The following RAD17 variants were observed in gnomAD, a reference collection of about 807,000 sequenced individuals.
RAD17 encodes the protein RAD17 checkpoint clamp loader component, also known as cell cycle checkpoint protein RAD17.
Under a neutral mutation model 81.5 loss-of-function variants are expected in RAD17, and 31 were observed. The ratio of observed to expected loss-of-function variants is 0.38; its 90% CI spans 0.29 to 0.51. RAD17 has a LOEUF of 0.51. Ranked by LOEUF, RAD17 falls within the 20% of genes least tolerant of loss-of-function variation. The pLI is 0.88. For missense variants in RAD17, 681 were observed against 781.2 expected (o/e 0.87, Z 1.53); for synonymous variants, 261 against 266.2 (o/e 0.98, Z 0.19).
At chr5:69,374,203 T>A in intron 5 of RAD17, 116 bp downstream of exon 5, 1 of 944,596 alleles carries the variant, frequency 1.1e-6, no homozygotes, top group Non-Finnish European at 1.6e-6. Context: ...TCTTTCTAAG[T>A]GTTAGAAAAA....
rs571221608 is a variant in RAD17 at position 69,373,685 on chromosome 5, AATTTT to A, written c.10-144_10-140del. The A allele has an allele frequency of 5.6e-4, 211 of 380,006 alleles. 15 individuals carry two copies. Among genetic ancestry groups the A allele is most frequent in the South Asian group, 1.1e-3 (31 of 28,310 alleles). 23.5% of individuals were successfully genotyped at this position (380,006 alleles called of 1,614,324 possible). Reference sequence around the variant, plus strand: ...ACAGAGTGAGACCCGGTCTCAAAAAAATTTTTTTTTTTTTTTTTTTTTTTTTTTTT... The same window carrying A: ...ACAGAGTGAGACCCGGTCTCAAAAAATTTTTTTTTTTTTTTTTTTTTTTTT... On this transcript the variant is annotated intron_variant, in intron 4 of 18. Transcript: ENST00000354868.
In RAD17 at chr5:69,373,833, A is replaced by G; in HGVS notation, c.13A>G (p.Thr5Ala). MNQV[T>A]DWVDPSFDDF... ...ACATGATTTCTTTTTTTTTCAGGTA[A>G]CAGACTGGGTTGACCCATCATTTGA... is the stretch of plus-strand genomic sequence containing the variant. The change falls in exon 5 of 19, where the codon ACA becomes GCA. Residue 5 changes from threonine to alanine, a missense_variant. Coordinates refer to ENST00000354868, the MANE Select transcript of RAD17 (RefSeq NM_133338.3). 1.3e-6 allele frequency: 2 copies of G among 1,597,250 alleles called. No homozygotes were observed. The highest frequency in any genetic ancestry group is 1.7e-6 in the Non-Finnish European group (2 of 1,174,040).
At chr5:69,393,531 T>G in intron 15 of RAD17, 31 bp downstream of exon 15, 1 of 1,554,970 alleles carries the variant, frequency 6.4e-7, no homozygotes. Flanking sequence ...ATGTTTATGT[T>G]TATAGTATTT....
chr5:69,380,231 G>A (rs1035582630), intron 6 of RAD17, among the ~76,000 whole-genome samples: 13 of 152,146 alleles, frequency 8.5e-5, no homozygotes, highest in African/African-American at 2.9e-4. Context: ...GATGGGCACT[G>A]TAAATACATA....
chr5:69,403,700 G>A (rs185216884), intron 17 of RAD17, among the ~76,000 whole-genome samples: 4 of 152,254 alleles, frequency 2.6e-5, no homozygotes, highest in East Asian at 3.9e-4. Flanking sequence ...TGGGAAGATC[G>A]CTTGAGCCCA....
rs1580386486 is a variant in RAD17, at chr5:69,386,421, A to G, written c.850A>G (p.Met284Val). Residue 284 changes from methionine to valine, a missense_variant, in exon 11 of 19, where the codon ATG becomes GTG. Physicochemically the swap from Met to Val is conservative, Grantham distance 21. Transcript: ENST00000354868. ...TTTCAACCCTGTGGCACCAACAATT[A>G]TGATGAAATTTCTTAATCGAATAGT... ...ISFNPVAPTI[M>V]MKFLNRIVTI... is the part of the protein sequence containing the mutation. The G allele has an allele frequency of 6.3e-7, 1 of 1,599,250 alleles. No homozygotes were observed. The highest frequency in any genetic ancestry group is 8.5e-7 in the Non-Finnish European group (1 of 1,174,682).
At chr5:69,406,019 GT>G (rs1472297014) in intron 17 of RAD17, among the ~76,000 whole-genome samples, 20 of 148,252 alleles carry the variant, frequency 1.3e-4, no homozygotes, top group African/African-American at 4.7e-4. Flanking sequence ...TCCAGCCTAG[GT>G]GACAGAGCCA....
rs770816557 is a variant in RAD17 at position 69,374,617 on chromosome 5, T to A, written c.268-11T>A. 3 of 1,595,456 alleles carry A rather than the reference T, an allele frequency of 1.9e-6. No individual in the cohort carries two copies. In the African/African-American group the frequency reaches 4.1e-5, roughly 22 times the overall value. ...AGAAGTTTTGTTTTAAATTTGAAAT[T>A]TTTGTTGTAGCATGAACTTGCTGTG... On this transcript the variant is annotated splice_polypyrimidine_tract_variant and intron_variant, in intron 5 of 18. Transcript: ENST00000354868.
At chr5:69,377,522 T>C (rs1343429645) in intron 6 of RAD17, among the ~76,000 whole-genome samples, 1 of 91,158 alleles carries the variant, frequency 1.1e-5, no homozygotes, top group African/African-American at 4.3e-5. Flanking sequence ...TATACGTATA[T>C]ATATGTGTAT....
chr5:69,402,448 G>A (rs557705255), intron 17 of RAD17, among the ~76,000 whole-genome samples: 95 of 152,008 alleles, frequency 6.2e-4, no homozygotes, highest in African/African-American at 2.1e-3. Context: ...GGCGGATCAC[G>A]AGGTCAGGAG....
intron 6 of RAD17, among the ~76,000 whole-genome samples, chr5:69,379,442 C>G (rs768567371): frequency 1.2e-4 from 19 of 152,088 alleles, no homozygotes; most frequent in Non-Finnish European, 2.4e-4. Context: ...CTACACTAAA[C>G]TTAAACAGTT....
chr5:69,383,499 C>G (rs1464511921), intron 7 of RAD17, among the ~76,000 whole-genome samples: 1 of 152,048 alleles, frequency 6.6e-6, no homozygotes, highest in Non-Finnish European at 1.5e-5. Context: ...CTGACTCAGC[C>G]TCCCAAGTAG....
intron 6 of RAD17, among the ~76,000 whole-genome samples, chr5:69,378,111 C>A (rs764234361): frequency 1.4e-4 from 22 of 152,066 alleles, no homozygotes; most frequent in Non-Finnish European, 2.1e-4. Flanking sequence ...AAATCACTTA[C>A]CATTTATTTT....
intron 6 of RAD17, among the ~76,000 whole-genome samples, chr5:69,378,088 C>T (rs1215821127): frequency 6.6e-6 from 1 of 152,166 alleles, no homozygotes; most frequent in Non-Finnish European, 1.5e-5. Flanking sequence ...ATGAGCCACA[C>T]CATGCCTGGC....
intron 6 of RAD17, among the ~76,000 whole-genome samples, chr5:69,378,097 G>A (rs1291312967): frequency 6.6e-6 from 1 of 152,082 alleles, no homozygotes; most frequent in Non-Finnish European, 1.5e-5. Context: ...ACCATGCCTG[G>A]CCCAAATCAC....
At chr5:69,369,463 C>T (rs768820633), upstream of RAD17, 10 of 1,610,644 alleles carry the variant, frequency 6.2e-6, no homozygotes, top group East Asian at 1.3e-4. Context: ...GCGCCCTGAC[C>T]GGTGAGCAGG....
intron 15 of RAD17, among the ~76,000 whole-genome samples, chr5:69,394,433 A>T (rs1288563920): frequency 6.6e-6 from 1 of 152,138 alleles, no homozygotes; most frequent in Non-Finnish European, 1.5e-5. Flanking sequence ...TAGATACAAG[A>T]GAAAGAACTG....
chr5:69,384,757 C>G (rs746574760), intron 7 of RAD17, 40 bp from the exon 8 acceptor site: 1 of 1,549,706 alleles, frequency 6.5e-7, no homozygotes, highest in Non-Finnish European at 8.8e-7. Flanking sequence ...TAATGTATAT[C>G]ATTTGTTGAA....
At chr5:69,407,568 T>TTTTTGTTTTG (rs1326000936) in intron 17 of RAD17, among the ~76,000 whole-genome samples, 3 of 120,150 alleles carry the variant, frequency 2.5e-5, no homozygotes, top group African/African-American at 9.2e-5. Flanking sequence ...CCAAGTTTTT[T>TTTTTGTTTTG]TTTTTTTTTT....
Sources: allele counts gnomAD v4.1 joint callset (sites outside exome capture counted in the v4.1 genomes callset), GRCh38; gene constraint gnomAD v4.1.1; transcripts MANE v1.5; gene names NCBI Gene and HGNC (gene_info 2026-07-23, HGNC 2026-07-21).